ZDHHC11: variants seen among roughly 807,000 people sequenced by gnomAD.
ZDHHC11 encodes palmitoyltransferase ZDHHC11.
A neutral mutation model predicts 51.3 loss-of-function variants in ZDHHC11; 44 were observed. The ratio of observed to expected loss-of-function variants is 0.86; its 90% confidence interval spans 0.67 to 1.10. The LOEUF (loss-of-function observed/expected upper bound fraction) is 1.10. Among genes scored for constraint, ZDHHC11 ranks in the 50% least tolerant of loss-of-function variants. The pLI, the probability that ZDHHC11 is intolerant of heterozygous loss-of-function variation, is 0.00. For synonymous variants in ZDHHC11, 163 were observed against 222.0 expected (o/e 0.73, Z 2.36); for missense variants, 400 against 537.7 (o/e 0.74, Z 2.53).
Position 801,179 on chromosome 5 carries a change from C to T in ZDHHC11, c.1182-15G>A, listed in dbSNP as rs775194440. On this transcript the variant is annotated splice_polypyrimidine_tract_variant and intron_variant, in intron 11 of 12. Coordinates refer to ENST00000283441, the MANE Select transcript of ZDHHC11 (RefSeq NM_024786.3). ...CTTGTTGCAGCCTGTTTGCAATATT[C>T]AGAAAGAGAAACAACAGAGAACGTA... 3 of 1,610,254 alleles carry T rather than the reference C, an allele frequency of 1.9e-6. No individual in the cohort carries two copies. Among genetic ancestry groups the T allele is most frequent in the Admixed American group, 1.7e-5 (1 of 59,906 alleles).
chr5:854,856 C>A (rs576518709), upstream of ZDHHC11, among the ~76,000 whole-genome samples: 109 of 126,276 alleles, frequency 8.6e-4, 1 homozygote, highest in Non-Finnish European at 7.1e-4. Context: ...CAGAGGACAG[C>A]GAGCCGGGGG....
intron 12 of ZDHHC11, among the ~76,000 whole-genome samples, chr5:800,609 G>A (rs1738276517): frequency 6.6e-6 from 1 of 151,392 alleles, no homozygotes; most frequent in African/African-American, 2.4e-5. Flanking sequence ...CTTCTAGTGA[G>A]TAAACTTTCC....
At chr5:802,405 A>C (rs1031316169) in intron 11 of ZDHHC11, among the ~76,000 whole-genome samples, 10 of 151,378 alleles carry the variant, frequency 6.6e-5, no homozygotes, top group Admixed American at 6.6e-4. Flanking sequence ...TCAAATGAAA[A>C]CATAAAGGCA....
At chr5:823,563 G>A (rs182251796) in intron 8 of ZDHHC11, 2 of 165,626 alleles carry the variant, frequency 1.2e-5, no homozygotes, top group African/African-American at 4.7e-5. Flanking sequence ...GCTCAGCACA[G>A]GGCTGTGCCA....
Position 804,553 on chromosome 5 carries a change from A to G in ZDHHC11, c.1182-3389T>C, listed in dbSNP as rs1037686129. On this transcript the variant is annotated intron_variant, in intron 11 of 12. Transcript: ENST00000283441. ...CAAAAGATCTACACCAAGACACATT[A>G]CAGTTAGATTGTTAAGGCATAGACA... Among the ~76,000 whole-genome samples the G allele has an allele frequency of 2.6e-5, 4 of 151,356 alleles. 1 individual carries two copies. Among genetic ancestry groups the G allele is most frequent in the Non-Finnish European group, 5.9e-5 (4 of 67,692 alleles).
At chr5:807,235 A>G (rs1651310) in intron 11 of ZDHHC11, among the ~76,000 whole-genome samples, 25 of 133,036 alleles carry the variant, frequency 1.9e-4, no homozygotes, top group African/African-American at 4.5e-4. Flanking sequence ...TACTACATAC[A>G]CACAATGCCC....
At chr5:853,838 C>T (rs1440867032), upstream of ZDHHC11, among the ~76,000 whole-genome samples, 1 of 145,134 alleles carries the variant, frequency 6.9e-6, no homozygotes, top group Non-Finnish European at 1.5e-5. Context: ...GCTGGGGGCA[C>T]AGACCCCACA....
chr5:825,433 C>A (rs28620375), intron 7 of ZDHHC11, among the ~76,000 whole-genome samples, 182 bp from the exon 8 acceptor site: 20,573 of 143,500 alleles, frequency 0.14, 517 homozygotes, highest in East Asian at 0.27. Flanking sequence ...TGCAGTGGCA[C>A]ACGTAAGAAG....
intron 11 of ZDHHC11, among the ~76,000 whole-genome samples, chr5:802,498 A>C (rs1455204646): frequency 7.0e-6 from 1 of 143,038 alleles, no homozygotes; most frequent in African/African-American, 2.8e-5. Context: ...TGTGTTGTAA[A>C]AGTGTGTAAG....
At chr5:810,898 C>T (rs372105746) in intron 11 of ZDHHC11, among the ~76,000 whole-genome samples, 57 of 152,198 alleles carry the variant, frequency 3.7e-4, no homozygotes, top group African/African-American at 1.1e-3. Flanking sequence ...CCATCTTTAA[C>T]GCAACAATGT....
rs1223830690 is a variant in ZDHHC11 at position 828,154 on chromosome 5, C to T, written c.936-2903G>A. On this transcript the variant is annotated intron_variant, in intron 7 of 12. Coordinates refer to ENST00000283441, the MANE Select transcript of ZDHHC11 (RefSeq NM_024786.3). ...TCTACTTCTTTCTACACAGACACAG[C>T]AACCATCCGATTTCTCAATCTTTTC... 1.6e-3 allele frequency among the ~76,000 whole-genome samples: 242 copies of T among 151,526 alleles called. 13 individuals are homozygous for T. The highest frequency in any genetic ancestry group is 3.1e-3 in the Non-Finnish European group (207 of 67,764).
intron 1 of ZDHHC11, among the ~76,000 whole-genome samples, chr5:857,753 A>G (rs563840047): frequency 4.2e-5 from 6 of 141,938 alleles, no homozygotes; most frequent in Non-Finnish European, 6.0e-5. Context: ...TGTCTTTATG[A>G]CACCGTGGTC....
upstream of ZDHHC11, among the ~76,000 whole-genome samples, chr5:859,888 T>C (rs891129574): frequency 4.6e-5 from 7 of 152,082 alleles, no homozygotes; most frequent in Non-Finnish European, 5.9e-5. Flanking sequence ...ATGCCTCCGA[T>C]GCGGGCCAGC....
At chr5:812,567 G>A (rs1386446454) in intron 11 of ZDHHC11, among the ~76,000 whole-genome samples, 1 of 151,264 alleles carries the variant, frequency 6.6e-6, no homozygotes, top group Non-Finnish European at 1.5e-5. Context: ...GCTAATATCT[G>A]GTGCTGAAAA....
intron 11 of ZDHHC11, among the ~76,000 whole-genome samples, chr5:807,294 G>A (rs1333196321): frequency 6.6e-6 from 1 of 150,936 alleles, no homozygotes; most frequent in Admixed American, 6.6e-5. Flanking sequence ...TTGCACGTAT[G>A]TATGTACTCT....
intron 9 of ZDHHC11, among the ~76,000 whole-genome samples, chr5:821,608 T>C (rs1388963955): frequency 6.7e-6 from 1 of 149,492 alleles, no homozygotes; most frequent in East Asian, 1.9e-4. Context: ...TGTGGACTTT[T>C]GCTGCAGGAA....
chr5:844,909 T>C (rs1745879015), intron 3 of ZDHHC11, among the ~76,000 whole-genome samples: 1 of 152,302 alleles, frequency 6.6e-6, no homozygotes, highest in Non-Finnish European at 1.5e-5. Context: ...ATACTTTGAC[T>C]AAACCATCTT....
intron 9 of ZDHHC11, among the ~76,000 whole-genome samples, chr5:819,968 C>T (rs967602396): frequency 2.6e-5 from 4 of 151,362 alleles, no homozygotes; most frequent in Non-Finnish European, 4.4e-5. Context: ...TTTTATAAAA[C>T]AGCACATCAT....
intron 6 of ZDHHC11, among the ~76,000 whole-genome samples, chr5:837,023 C>CTCCA (rs1295850787): frequency 6.6e-6 from 1 of 151,566 alleles, no homozygotes; most frequent in Non-Finnish European, 1.5e-5. Context: ...CACCACTTCA[C>CTCCA]TCCACCCTGG....
Sources: gnomAD v4.1 joint callset for allele counts (sites outside exome capture counted in the v4.1 genomes callset) on GRCh38, gnomAD v4.1.1 for gene constraint, MANE v1.5 for transcripts, NCBI Gene and HGNC (gene_info 2026-07-23, HGNC 2026-07-21) for gene names.